PLXDC2: variants seen among roughly 807,000 people sequenced by gnomAD.
PLXDC2 encodes plexin domain containing 2, also known as plexin domain-containing protein 2.
Under a neutral mutation model 68.9 loss-of-function variants are expected in PLXDC2, and 40 were observed. The observed-to-expected ratio is 0.58, with a 90% CI of 0.45 to 0.76. PLXDC2 has a LOEUF of 0.76. PLXDC2 is among the 30% of genes least tolerant of loss of function. The pLI is 0.00. For missense variants in PLXDC2, 644 were observed against 661.9 expected, an observed-to-expected ratio of 0.97 and a Z score of 0.30; for synonymous variants, 243 against 234.2, an observed-to-expected ratio of 1.04 and a Z score of -0.34.
intron 1 of PLXDC2, among the ~76,000 whole-genome samples, chr10:20,001,249 G>T (rs1332362333): frequency 6.6e-6 from 1 of 152,162 alleles, no homozygotes; most frequent in Non-Finnish European, 1.5e-5. Context: ...AGGTAGTTTC[G>T]CCCATTTACA....
At chr10:20,129,548 CATATATATGTGTATATAT>C (rs980415207) in intron 4 of PLXDC2, among the ~76,000 whole-genome samples, 205 of 151,552 alleles carry the variant, frequency 1.4e-3, no homozygotes, top group African/African-American at 4.8e-3. Flanking sequence ...TACACATACA[CATATATATGTGTATATAT>C]ATACACATAT....
intron 1 of PLXDC2, among the ~76,000 whole-genome samples, chr10:19,908,714 A>G (rs532236890): frequency 7.9e-5 from 12 of 152,220 alleles, no homozygotes; most frequent in African/African-American, 2.9e-4. Flanking sequence ...TACCCTATGT[A>G]TATTACCTCA....
intron 2 of PLXDC2, among the ~76,000 whole-genome samples, chr10:20,038,229 CTG>C (rs1246754635): frequency 6.6e-6 from 1 of 150,878 alleles, no homozygotes; most frequent in Non-Finnish European, 1.5e-5. Context: ...GAGCAAGACT[CTG>C]TCTCAAAAAA....
At chr10:19,844,099 G>A (rs1046099244) in intron 1 of PLXDC2, among the ~76,000 whole-genome samples, 2 of 152,110 alleles carry the variant, frequency 1.3e-5, no homozygotes, top group East Asian at 1.9e-4. Context: ...TTAAAGAACA[G>A]ATAAGACAGA....
In PLXDC2 at chr10:20,277,973, CT is replaced by C. The variant is rs375154901; in HGVS notation, c.1474-1728del. Among the ~76,000 whole-genome samples, 67 of 152,268 alleles carry C rather than the reference CT, an allele frequency of 4.4e-4. No homozygotes were observed. In the East Asian group the frequency reaches 0.012, roughly 26 times the overall value. ...GCCTTTCTGTGACTAGCTTATTTCA[CT>C]TAAGATAATGATCTCCAGTCCATCC... On this transcript the variant is annotated intron_variant, in intron 13 of 13. Coordinates refer to ENST00000377252, the MANE Select transcript of PLXDC2 (RefSeq NM_032812.9).
intron 4 of PLXDC2, among the ~76,000 whole-genome samples, chr10:20,110,543 C>T (rs964607233): frequency 6.6e-6 from 1 of 152,152 alleles, no homozygotes; most frequent in South Asian, 2.1e-4. Context: ...TGCCATCTTT[C>T]CTGGCATATT....
intron 1 of PLXDC2, among the ~76,000 whole-genome samples, chr10:19,991,071 A>AC (rs1233567362): frequency 6.6e-6 from 1 of 151,958 alleles, no homozygotes; most frequent in Non-Finnish European, 1.5e-5. Flanking sequence ...ACATGGAGAA[A>AC]CCCCATCTCC....
At chr10:19,887,740 C>T (rs1361032445) in intron 1 of PLXDC2, among the ~76,000 whole-genome samples, 5 of 152,102 alleles carry the variant, frequency 3.3e-5, no homozygotes, top group Non-Finnish European at 7.4e-5. Flanking sequence ...TCGATAGTGG[C>T]ATAGACAGTA....
chr10:19,954,602 AAT>A (rs1327065389), intron 1 of PLXDC2, among the ~76,000 whole-genome samples: 1 of 152,162 alleles, frequency 6.6e-6, no homozygotes, highest in African/African-American at 2.4e-5. Context: ...TCTTATTTTA[AAT>A]TTAATTTAAA....
At chr10:19,836,821 A>C (rs905326576) in intron 1 of PLXDC2, among the ~76,000 whole-genome samples, 4 of 152,242 alleles carry the variant, frequency 2.6e-5, no homozygotes, top group Non-Finnish European at 5.9e-5. Flanking sequence ...AATAATAAAT[A>C]GAAGAAAGAA....
intron 2 of PLXDC2, among the ~76,000 whole-genome samples, chr10:20,020,069 C>T (rs1049137402): frequency 2.4e-5 from 2 of 84,478 alleles, no homozygotes; most frequent in African/African-American, 1.1e-4. Flanking sequence ...TCTGTCTGCT[C>T]AGTACAGTCA....
chr10:20,079,948 A>G (rs1006816660), intron 4 of PLXDC2, among the ~76,000 whole-genome samples: 1 of 152,224 alleles, frequency 6.6e-6, no homozygotes, highest in South Asian at 2.1e-4. Context: ...CTTAAATTAA[A>G]AAAAGAAACA....
At chr10:20,040,454 C>G (rs1002635677) in intron 2 of PLXDC2, among the ~76,000 whole-genome samples, 1 of 152,098 alleles carries the variant, frequency 6.6e-6, no homozygotes, top group Non-Finnish European at 1.5e-5. Context: ...TGCACTTGTA[C>G]GTGTTTCTAC....
At chr10:20,079,630 G>T (rs1836514847) in intron 4 of PLXDC2, among the ~76,000 whole-genome samples, 1 of 152,174 alleles carries the variant, frequency 6.6e-6, no homozygotes, top group Non-Finnish European at 1.5e-5. Context: ...CATGTACTTT[G>T]CAGGGACATG....
At chr10:19,964,522 T>A (rs1834215339) in intron 1 of PLXDC2, among the ~76,000 whole-genome samples, 1 of 152,112 alleles carries the variant, frequency 6.6e-6, no homozygotes, top group African/African-American at 2.4e-5. Flanking sequence ...TTAAAAACAA[T>A]CCCTATAGGA....
At chr10:19,891,134 A>G (rs1837953322) in intron 1 of PLXDC2, among the ~76,000 whole-genome samples, 1 of 152,152 alleles carries the variant, frequency 6.6e-6, no homozygotes, top group African/African-American at 2.4e-5. Context: ...CACCCCTGAA[A>G]AATATAAGTA....
At chr10:20,271,848 G>A (rs1203568274) in intron 13 of PLXDC2, among the ~76,000 whole-genome samples, 1 of 152,096 alleles carries the variant, frequency 6.6e-6, no homozygotes, top group East Asian at 1.9e-4. Context: ...AATGTAGAAG[G>A]GATGGAAGTG....
At chr10:20,012,855 A>G (rs1203464828) in intron 2 of PLXDC2, among the ~76,000 whole-genome samples, 1 of 152,214 alleles carries the variant, frequency 6.6e-6, no homozygotes, top group East Asian at 1.9e-4. Flanking sequence ...AGCAATGCAT[A>G]GATGTCTGAA....
intron 1 of PLXDC2, among the ~76,000 whole-genome samples, chr10:19,912,835 A>T (rs1833298742): frequency 6.6e-6 from 1 of 152,122 alleles, no homozygotes; most frequent in Non-Finnish European, 1.5e-5. Context: ...TTTTCTTCTG[A>T]TTATCATCCA....
Sources: gnomAD v4.1 joint callset for allele counts (sites outside exome capture counted in the v4.1 genomes callset) on GRCh38, gnomAD v4.1.1 for gene constraint, MANE v1.5 for transcripts, NCBI Gene and HGNC (gene_info 2026-07-23, HGNC 2026-07-21) for gene names.